CPA6: variants seen among roughly 807,000 people sequenced by gnomAD.
CPA6 encodes carboxypeptidase B.
In CPA6, 58 loss-of-function variants were observed where a neutral mutation model predicts 63.3. That is an observed-to-expected ratio of 0.92 (90% CI 0.74 to 1.14). CPA6 has a LOEUF of 1.14. Among genes scored for constraint, CPA6 ranks in the 50% most tolerant of loss-of-function variants. CPA6 has a pLI of 0.00. For missense variants in CPA6, 565 were observed against 526.6 expected (o/e 1.07, Z -0.71); for synonymous variants, 185 against 179.0 (o/e 1.03, Z -0.27).
At chr8:67,672,200 G>A (rs1230457746) in intron 1 of CPA6, among the ~76,000 whole-genome samples, 2 of 152,006 alleles carry the variant, frequency 1.3e-5, no homozygotes, top group Non-Finnish European at 2.9e-5. Context: ...AAGTATTTCA[G>A]TATATTGTAA....
At chr8:67,658,030 G>GT in intron 1 of CPA6, among the ~76,000 whole-genome samples, 1 of 152,246 alleles carries the variant, frequency 6.6e-6, no homozygotes, top group East Asian at 1.9e-4. Context: ...CAGCCACACT[G>GT]GCGTCCTTTT....
chr8:67,584,864 TA>T (rs1813883342), intron 2 of CPA6, among the ~76,000 whole-genome samples: 2 of 152,178 alleles, frequency 1.3e-5, no homozygotes, highest in African/African-American at 4.8e-5. Flanking sequence ...ATAGCTAAGA[TA>T]AAGCCAACAT....
chr8:67,687,719 T>C (rs1816735393), intron 1 of CPA6, among the ~76,000 whole-genome samples: 1 of 152,176 alleles, frequency 6.6e-6, no homozygotes, highest in Non-Finnish European at 1.5e-5. Context: ...TACTTATTGT[T>C]GTGACGCTAG....
At chr8:67,705,708 A>T (rs977363671) in intron 1 of CPA6, among the ~76,000 whole-genome samples, 10 of 152,126 alleles carry the variant, frequency 6.6e-5, no homozygotes, top group Non-Finnish European at 1.3e-4. Context: ...TATTAACTTC[A>T]TCCTGGTCAG....
intron 1 of CPA6, among the ~76,000 whole-genome samples, chr8:67,642,922 T>C (rs548695643): frequency 7.2e-5 from 11 of 152,280 alleles, no homozygotes; most frequent in Middle Eastern, 3.4e-3. Context: ...GATAGGGTAG[T>C]ATTTATAAAA....
intron 2 of CPA6, among the ~76,000 whole-genome samples, chr8:67,534,977 C>T (rs1395789960): frequency 6.6e-6 from 1 of 151,794 alleles, no homozygotes; most frequent in African/African-American, 2.4e-5. Context: ...TTTTCTGTTC[C>T]TGCGTTAGAC....
In CPA6 at chr8:67,624,262, A is replaced by T. The variant is rs1314672987; in HGVS notation, c.117-11T>A. ...CTTATCACTTTATCACTACAAGATA[A>T]GAAAAGAAAGATGATAATTACTTTT... is the stretch of plus-strand genomic sequence containing the variant. On this transcript the variant is annotated splice_polypyrimidine_tract_variant and intron_variant, in intron 1 of 10. Coordinates refer to ENST00000297770, the MANE Select transcript of CPA6 (RefSeq NM_020361.5). 1 of 1,359,314 alleles carries T rather than the reference A, an allele frequency of 7.4e-7. No homozygotes were observed. Among genetic ancestry groups the T allele is most frequent in the Admixed American group, 1.9e-5 (1 of 52,728 alleles). The allele number at this position is 1,359,314 out of a possible 1,614,324, so 84.2% of individuals were successfully genotyped here.
intron 1 of CPA6, among the ~76,000 whole-genome samples, chr8:67,720,780 CT>C (rs1236152818): frequency 3.9e-5 from 6 of 152,172 alleles, no homozygotes; most frequent in African/African-American, 2.4e-5. Flanking sequence ...GAATGAAGAG[CT>C]GTGCGTTCAG....
At chr8:67,620,834 A>G (rs1424689449) in intron 2 of CPA6, among the ~76,000 whole-genome samples, 1 of 152,238 alleles carries the variant, frequency 6.6e-6, no homozygotes, top group Non-Finnish European at 1.5e-5. Context: ...TTAACAGAGC[A>G]GGTCTGAAAA....
At chr8:67,734,925 A>C (rs1481553644) in intron 1 of CPA6, among the ~76,000 whole-genome samples, 1 of 152,234 alleles carries the variant, frequency 6.6e-6, no homozygotes. Flanking sequence ...GGAAATGAAA[A>C]TATGACCAAT....
At chr8:67,731,575 T>A (rs1487467861) in intron 1 of CPA6, among the ~76,000 whole-genome samples, 1 of 152,240 alleles carries the variant, frequency 6.6e-6, no homozygotes, top group Admixed American at 6.5e-5. Flanking sequence ...TCAAACCACA[T>A]TTGATCAACT....
intron 8 of CPA6, among the ~76,000 whole-genome samples, chr8:67,476,026 T>C (rs1474707878): frequency 6.6e-6 from 1 of 150,404 alleles, no homozygotes; most frequent in African/African-American, 2.5e-5. Context: ...CCTTTCTTCC[T>C]TTCTTTGATA....
intron 1 of CPA6, among the ~76,000 whole-genome samples, chr8:67,661,259 G>A (rs1402375244): frequency 6.6e-6 from 1 of 152,160 alleles, no homozygotes; most frequent in Non-Finnish European, 1.5e-5. Flanking sequence ...AGGGAGAAGA[G>A]CAAATGCAGA....
chr8:67,503,527 C>T (rs977530516), intron 6 of CPA6, among the ~76,000 whole-genome samples: 18 of 145,950 alleles, frequency 1.2e-4, no homozygotes, highest in Non-Finnish European at 1.8e-4. Context: ...AGGCTGATCT[C>T]GAATTCCTGG....
At chr8:67,623,236 G>C (rs554756418) in intron 2 of CPA6, among the ~76,000 whole-genome samples, 22 of 152,252 alleles carry the variant, frequency 1.4e-4, no homozygotes, top group African/African-American at 5.3e-4. Context: ...ACAGGAAACT[G>C]AATTCATTCA....
chr8:67,461,712 C>G (rs554492522), intron 8 of CPA6, among the ~76,000 whole-genome samples: 1 of 151,918 alleles, frequency 6.6e-6, no homozygotes, highest in East Asian at 1.9e-4. Flanking sequence ...ACTTCCCTCC[C>G]GGATGGAGCG....
chr8:67,642,552 G>C (rs1815616855), intron 1 of CPA6, among the ~76,000 whole-genome samples: 1 of 152,160 alleles, frequency 6.6e-6, no homozygotes, highest in East Asian at 1.9e-4. Context: ...TTGTGAAGAA[G>C]AAGGTGAGCA....
At chr8:67,594,986 C>T (rs922453227) in intron 2 of CPA6, among the ~76,000 whole-genome samples, 2 of 152,168 alleles carry the variant, frequency 1.3e-5, no homozygotes, top group Admixed American at 1.3e-4. Context: ...TTTTTCTGCT[C>T]TGTTTTTTCC....
intron 2 of CPA6, among the ~76,000 whole-genome samples, chr8:67,565,369 A>G (rs1813312616): frequency 6.6e-6 from 1 of 152,200 alleles, no homozygotes; most frequent in African/African-American, 2.4e-5. Flanking sequence ...ATGCGATTAA[A>G]AAACCCCATA....
Sources: gnomAD v4.1 joint callset for allele counts (sites outside exome capture counted in the v4.1 genomes callset) on GRCh38, gnomAD v4.1.1 for gene constraint, MANE v1.5 for transcripts, NCBI Gene and HGNC (gene_info 2026-07-23, HGNC 2026-07-21) for gene names.